Variants in AKAP9 observed in about 807,000 individuals in gnomAD.
The protein encoded by AKAP9 is A-kinase anchoring protein 9.
A neutral mutation model predicts 488.5 loss-of-function variants in AKAP9; 311 were observed. The observed-to-expected ratio is 0.64, with a 90% CI of 0.58 to 0.70. AKAP9 has a LOEUF of 0.70. AKAP9 is among the 30% of genes least tolerant of loss of function. AKAP9 has a pLI of 0.00. For synonymous variants in AKAP9, 1,462 were observed against 1,483.5 expected (o/e 0.99, Z 0.33); for missense variants, 4,215 against 4,374.5 (o/e 0.96, Z 1.03).
In AKAP9 at chr7:91,950,224, T is replaced by A. The variant is rs144813098; in HGVS notation, c.48+9077T>A. On this transcript the variant is annotated intron_variant, in intron 1 of 49. Coordinates refer to ENST00000356239, the MANE Select transcript of AKAP9 (RefSeq NM_005751.5). ...AGGCTGTATTTATTCCTCCAGGGTC[T>A]CACTTTTTTTTTTTTTTTTTTTTGA... Among the ~76,000 whole-genome samples the A allele has an allele frequency of 9.3e-3, 1,400 of 150,350 alleles. 32 individuals carry two copies. Among genetic ancestry groups the A allele is most frequent in the African/African-American group, 0.033 (1,335 of 41,010 alleles).
intron 1 of AKAP9, among the ~76,000 whole-genome samples, chr7:91,962,350 T>C (rs945426906): frequency 1.3e-5 from 2 of 152,300 alleles, no homozygotes; most frequent in East Asian, 3.9e-4. Context: ...TTTTTGTCTT[T>C]TGGTGGAGGA....
Position 92,070,133 on chromosome 7 carries a change from A to C in AKAP9, c.6434A>C (p.Glu2145Ala). 6.2e-7 allele frequency: 1 copy of C among 1,614,150 alleles called. No homozygotes were observed. Among genetic ancestry groups the C allele is most frequent in the Non-Finnish European group, 8.5e-7 (1 of 1,180,006 alleles). ...LQRDIQERNE[E>A]IEKLEFRVRE... is the part of the protein sequence containing the mutation. ...AGGGATATACAAGAAAGGAATGAAGAAATAGAGAAACTGGAGTTCAGAGTA... is the reference window on the plus strand; with the variant it reads ...AGGGATATACAAGAAAGGAATGAAGCAATAGAGAAACTGGAGTTCAGAGTA... Residue 2145 changes from glutamate to alanine, a missense_variant, in exon 27 of 50, where the codon GAA becomes GCA. Glu to Ala is a moderately radical substitution (Grantham distance 107). This residue lies in a region of AKAP9 where 2,361 missense variants were observed against 2,430.0 expected (regional missense o/e 0.97). Transcript: ENST00000356239.
chr7:92,038,320 C>A, intron 16 of AKAP9, 99 bp from the exon 17 acceptor site: 2 of 910,154 alleles, frequency 2.2e-6, no homozygotes, highest in South Asian at 1.6e-5. Flanking sequence ...TGAGGCCATG[C>A]TTTTTTCTGT....
chr7:91,942,308 A>G (rs1790864870), intron 1 of AKAP9, among the ~76,000 whole-genome samples: 1 of 152,120 alleles, frequency 6.6e-6, no homozygotes, highest in African/African-American at 2.4e-5. Flanking sequence ...TGTTAAATGA[A>G]TATATATATA....
intron 29 of AKAP9, 85 bp downstream of exon 29, chr7:92,077,092 C>T (rs377096528): frequency 1.1e-3 from 331 of 299,834 alleles, no homozygotes; most frequent in Middle Eastern, 2.6e-3. Flanking sequence ...ATTATTATTT[C>T]TTTCTTTTTT....
intron 10 of AKAP9, among the ~76,000 whole-genome samples, 192 bp downstream of exon 10, chr7:92,014,520 T>G (rs750398876): frequency 6.6e-6 from 1 of 152,088 alleles, no homozygotes; most frequent in Non-Finnish European, 1.5e-5. Context: ...TCCCAGCTAC[T>G]TGGGAGACTG....
intron 16 of AKAP9, among the ~76,000 whole-genome samples, chr7:92,033,484 C>T (rs548533295): frequency 1.3e-4 from 18 of 134,596 alleles, no homozygotes; most frequent in Non-Finnish European, 7.7e-5. Context: ...CTGGCTCTGT[C>T]GCCCAGGCTG....
At chr7:91,948,757 A>C (rs908016087) in intron 1 of AKAP9, among the ~76,000 whole-genome samples, 1 of 151,896 alleles carries the variant, frequency 6.6e-6, no homozygotes, top group Non-Finnish European at 1.5e-5. Context: ...GATTACAGGC[A>C]TCCACCACCA....
rs71528033 is a variant in AKAP9 at position 92,061,584 on chromosome 7, CTATATATATATATATA to C, written c.5764+183_5764+198del. 1.6e-3 allele frequency among the ~76,000 whole-genome samples: 166 copies of C among 102,468 alleles called. 3 individuals carry two copies. The East Asian group carries it at 0.026, about 16-fold the overall frequency. The allele number at this position is 102,468 out of a possible 152,430, so 67.2% of individuals were successfully genotyped here. On this transcript the variant is annotated intron_variant, in intron 23 of 49. Transcript: ENST00000356239. ...GAGTTCCTCCAAGCAATTTTTAAAA[CTATATATATATATATA>C]TATATATATATATATATATAAAATT...
At chr7:91,969,194 C>A (rs1316021712) in intron 1 of AKAP9, among the ~76,000 whole-genome samples, 3 of 152,076 alleles carry the variant, frequency 2.0e-5, no homozygotes, top group African/African-American at 7.2e-5. Flanking sequence ...CCAGCAGGAA[C>A]ATACTTAATT....
chr7:91,943,872 A>C (rs1791102056), intron 1 of AKAP9, among the ~76,000 whole-genome samples: 4 of 152,178 alleles, frequency 2.6e-5, no homozygotes, highest in African/African-American at 9.6e-5. Flanking sequence ...TTTATCTGAG[A>C]CTTCATTCTG....
chr7:92,048,738 C>G (rs1563047595), intron 21 of AKAP9, among the ~76,000 whole-genome samples: 1 of 152,190 alleles, frequency 6.6e-6, no homozygotes, highest in Non-Finnish European at 1.5e-5. Context: ...GAAACCCCGT[C>G]TCTACTAAAA....
At chr7:91,978,932 ATTTTTTTTT>A (rs34097770) in intron 2 of AKAP9, among the ~76,000 whole-genome samples, 1 of 90,380 alleles carries the variant, frequency 1.1e-5, no homozygotes, top group East Asian at 3.6e-4. Flanking sequence ...TAGTTTTTGT[ATTTTTTTTT>A]TTTTTTTTTT....
intron 2 of AKAP9, among the ~76,000 whole-genome samples, chr7:91,977,323 A>G (rs375626328): frequency 4.1e-4 from 63 of 152,158 alleles, no homozygotes; most frequent in East Asian, 3.9e-3. Flanking sequence ...TTGGGAGGCC[A>G]AGGCGGGCAG....
chr7:91,970,742 T>C (rs1477893516), intron 1 of AKAP9, among the ~76,000 whole-genome samples: 1 of 152,216 alleles, frequency 6.6e-6, no homozygotes, highest in Non-Finnish European at 1.5e-5. Context: ...CTTTTATACA[T>C]TGTTTGCTTC....
intron 2 of AKAP9, among the ~76,000 whole-genome samples, chr7:91,977,856 T>C (rs1292787486): frequency 1.3e-5 from 2 of 152,226 alleles, no homozygotes; most frequent in African/African-American, 2.4e-5. Flanking sequence ...AACTGTCTTA[T>C]TCACCATTTA....
chr7:92,012,517 A>G lies in AKAP9; in HGVS notation c.3407A>G (p.Glu1136Gly). ...GTGGATCAGGTTCGTGAATATATGG[A>G]AAATGAAAAAGATAAAGCTCTTTGC... ...THVDQVREYM[E>G]NEKDKALCSL... The change falls in exon 9 of 50, where the codon GAA (glutamate) becomes GGA (glycine). Residue 1136 changes from glutamate to glycine, a missense_variant. Coordinates refer to ENST00000356239, the MANE Select transcript of AKAP9 (RefSeq NM_005751.5). 6.2e-7 allele frequency: 1 copy of G among 1,614,070 alleles called. No homozygotes were observed. The highest frequency in any genetic ancestry group is 8.5e-7 in the Non-Finnish European group (1 of 1,179,972).
At chr7:92,071,063 T>C in intron 28 of AKAP9, 54 bp downstream of exon 28, 1 of 1,441,398 alleles carries the variant, frequency 6.9e-7, no homozygotes, top group Non-Finnish European at 9.8e-7. Context: ...TTTAAATCAG[T>C]TACCTTGAAA....
intron 29 of AKAP9, 78 bp downstream of exon 29, chr7:92,077,085 A>G: frequency 2.7e-6 from 1 of 369,494 alleles, no homozygotes; most frequent in Non-Finnish European, 4.0e-6. Flanking sequence ...TATTATTATT[A>G]TTATTTCTTT....
Sources: gnomAD v4.1 joint callset for allele counts (sites outside exome capture counted in the v4.1 genomes callset) on GRCh38, gnomAD v4.1.1 for gene constraint, gnomAD v4.1.1 regional missense constraint, MANE v1.5 for transcripts, NCBI Gene and HGNC (gene_info 2026-07-23, HGNC 2026-07-21) for gene names.